Variants in MAP3K13 observed in about 807,000 individuals in gnomAD.
MAP3K13 encodes leucine zipper-bearing kinase.
Under a neutral mutation model 104.0 loss-of-function variants are expected in MAP3K13, and 52 were observed. That is an observed-to-expected ratio of 0.50 (90% confidence interval 0.40 to 0.63). MAP3K13 has a LOEUF of 0.63. MAP3K13 is among the 20% of genes least tolerant of loss of function. The pLI, the probability that MAP3K13 is intolerant of heterozygous loss-of-function variation, is 0.00. For synonymous variants in MAP3K13, 394 were observed against 442.2 expected, an observed-to-expected ratio of 0.89 and a Z score of 1.37; for missense variants, 914 against 1,218.5, an observed-to-expected ratio of 0.75 and a Z score of 3.72.
At chr3:185,301,394 AC>A (rs1401381984) in intron 2 of MAP3K13, among the ~76,000 whole-genome samples, 2 of 151,924 alleles carry the variant, frequency 1.3e-5, no homozygotes, top group East Asian at 3.9e-4. Flanking sequence ...CTCTTGAGAA[AC>A]TTTTTAAGGT....
At chr3:185,364,406 T>G (rs1010441418) in intron 1 of MAP3K13, among the ~76,000 whole-genome samples, 1 of 152,190 alleles carries the variant, frequency 6.6e-6, no homozygotes, top group Non-Finnish European at 1.5e-5. Context: ...CTTTGAGCGA[T>G]TTATATGCCA....
At chr3:185,302,541 T>C (rs1721145447) in intron 2 of MAP3K13, among the ~76,000 whole-genome samples, 1 of 152,232 alleles carries the variant, frequency 6.6e-6, no homozygotes, top group African/African-American at 2.4e-5. Context: ...AATGTACAAG[T>C]CTTTTCCCTC....
chr3:185,480,189 G>A, intron 12 of MAP3K13, 43 bp from the exon 13 acceptor site: 3 of 1,578,554 alleles, frequency 1.9e-6, no homozygotes, highest in Non-Finnish European at 2.6e-6. Flanking sequence ...AAGAAAAGCA[G>A]TTGTTCCTCT....
intron 1 of MAP3K13, chr3:185,285,310 T>C (rs1720471389): frequency 4.3e-6 from 1 of 232,476 alleles, no homozygotes; most frequent in South Asian, 1.2e-4. Flanking sequence ...TGAGATCCTG[T>C]AGATTTATGT....
intron 2 of MAP3K13, among the ~76,000 whole-genome samples, chr3:185,323,553 G>A (rs753665804): frequency 4.0e-5 from 6 of 151,750 alleles, no homozygotes; most frequent in Admixed American, 3.3e-4. Flanking sequence ...GGCTGGTCTC[G>A]AACTCCCGAC....
rs5855057 is a variant in MAP3K13 at position 185,324,808 on chromosome 3, T to TA, written c.-86+39178dup. On this transcript the variant is annotated intron_variant, in intron 2 of 14. Transcript: ENST00000424227. ...GATAATCACTAAGAACCGGCACAAT[T>TA]AAAAAAAAAAAAACTGCTCAAACAA... Among the ~76,000 whole-genome samples the TA allele has an allele frequency of 5.3e-3, 785 of 148,438 alleles. 4 individuals carry two copies. Among genetic ancestry groups the TA allele is most frequent in the African/African-American group, 0.017 (695 of 40,420 alleles).
At chr3:185,350,249 G>A (rs577977268) in intron 2 of MAP3K13, among the ~76,000 whole-genome samples, 119 of 152,270 alleles carry the variant, frequency 7.8e-4, no homozygotes, top group Non-Finnish European at 1.4e-3. Context: ...GCAGTGGCGC[G>A]ATCTCGGCTC....
intron 2 of MAP3K13, among the ~76,000 whole-genome samples, chr3:185,352,770 C>G (rs1196094287): frequency 2.0e-5 from 3 of 152,190 alleles, no homozygotes; most frequent in Non-Finnish European, 4.4e-5. Flanking sequence ...GGCCAGCCCC[C>G]TTCCTCATTC....
At chr3:185,292,024 G>T in intron 2 of MAP3K13, 12 of 996,440 alleles carry the variant, frequency 1.2e-5, no homozygotes, top group Middle Eastern at 5.1e-4. Flanking sequence ...GAGTTAACAG[G>T]CTGGGCACGG....
intron 2 of MAP3K13, among the ~76,000 whole-genome samples, chr3:185,344,764 G>A (rs1447557210): frequency 1.3e-5 from 2 of 152,108 alleles, no homozygotes; most frequent in Non-Finnish European, 1.5e-5. Flanking sequence ...AGTGGCTGTT[G>A]AAACCTCTCT....
chr3:185,430,820 G>A (rs1714702328), intron 2 of MAP3K13, among the ~76,000 whole-genome samples: 1 of 152,128 alleles, frequency 6.6e-6, no homozygotes, highest in African/African-American at 2.4e-5. Context: ...GTATGTGTGT[G>A]TATACTTTTA....
chr3:185,404,429 A>T (rs1234246968), intron 1 of MAP3K13, among the ~76,000 whole-genome samples: 2 of 152,214 alleles, frequency 1.3e-5, no homozygotes, highest in East Asian at 3.8e-4. Flanking sequence ...AATTGATGGC[A>T]AAGTTTACAC....
chr3:185,428,975 G>A lies in MAP3K13; in HGVS notation c.394G>A (p.Glu132Lys), dbSNP rs1714595823. Residue 132 changes from glutamate to lysine, a missense_variant, in exon 2 of 14, where the codon GAA (glutamate) becomes AAA (lysine). Around this residue, in one of 3 missense-constraint regions of MAP3K13, gnomAD observed 175 missense variants for 321.3 expected, o/e 0.54. Coordinates refer to ENST00000265026, the MANE Select transcript of MAP3K13 (RefSeq NM_004721.5). ...RSGSGSGGFL[E>K]GLFGCLRPVW... ...AGGCAGTGGCAGTGGTGGGTTTCTT[G>A]AAGGACTATTTGGATGCTTAAGGCC... 6.2e-7 allele frequency: 1 copy of A among 1,614,186 alleles called. No homozygotes were observed.
chr3:185,289,208 G>T (rs750396793), intron 2 of MAP3K13, among the ~76,000 whole-genome samples: 5 of 152,152 alleles, frequency 3.3e-5, no homozygotes. Context: ...AGACTGTGTT[G>T]AGAGGCAGTG....
intron 1 of MAP3K13, among the ~76,000 whole-genome samples, chr3:185,366,461 A>G (rs1324339988): frequency 6.6e-6 from 1 of 152,156 alleles, no homozygotes; most frequent in Non-Finnish European, 1.5e-5. Context: ...TGGGACTTGA[A>G]TTGCTGGGTC....
At chr3:185,453,541 C>T (rs948589197) in intron 7 of MAP3K13, among the ~76,000 whole-genome samples, 6 of 151,636 alleles carry the variant, frequency 4.0e-5, no homozygotes, top group Non-Finnish European at 8.8e-5. Flanking sequence ...GAGGCCGAGG[C>T]GGGCAGATCA....
intron 1 of MAP3K13, among the ~76,000 whole-genome samples, chr3:185,386,392 A>G (rs1389489538): frequency 6.6e-6 from 1 of 152,174 alleles, no homozygotes; most frequent in African/African-American, 2.4e-5. Flanking sequence ...CAGAATGGCT[A>G]TTAAAAAGTC....
At chr3:185,321,884 G>A (rs369621007) in intron 2 of MAP3K13, among the ~76,000 whole-genome samples, 32 of 152,226 alleles carry the variant, frequency 2.1e-4, no homozygotes, top group African/African-American at 5.8e-4. Flanking sequence ...GATTATAGGC[G>A]TGAGCCACCA....
intron 2 of MAP3K13, among the ~76,000 whole-genome samples, chr3:185,431,573 C>T (rs867514469): frequency 5.3e-5 from 8 of 152,106 alleles, no homozygotes; most frequent in Non-Finnish European, 1.2e-4. Context: ...TATGAGTTCT[C>T]TCACCAAGAA....
Sources: gnomAD v4.1 joint callset for allele counts (sites outside exome capture counted in the v4.1 genomes callset) on GRCh38, gnomAD v4.1.1 for gene constraint, gnomAD v4.1.1 regional missense constraint, MANE v1.5 for transcripts, NCBI Gene and HGNC (gene_info 2026-07-23, HGNC 2026-07-21) for gene names.